PTPRM: variants seen among roughly 807,000 people sequenced by gnomAD.
The protein encoded by PTPRM is protein tyrosine phosphatase receptor type M, also known as receptor-type tyrosine-protein phosphatase mu.
Under a neutral mutation model 186.7 loss-of-function variants are expected in PTPRM, and 47 were observed. The ratio of observed to expected loss-of-function variants is 0.25; its 90% CI spans 0.20 to 0.32. The LOEUF (loss-of-function observed/expected upper bound fraction) is 0.32. PTPRM is among the 10% of genes least tolerant of loss of function. PTPRM has a pLI of 1.00. For synonymous variants in PTPRM, 668 were observed against 674.9 expected (o/e 0.99, Z 0.16); for missense variants, 1,494 against 1,865.0 (o/e 0.80, Z 3.66).
At chr18:8,401,690 G>A (rs1368373989) in intron 32 of PTPRM, among the ~76,000 whole-genome samples, 3 of 152,252 alleles carry the variant, frequency 2.0e-5, no homozygotes, top group African/African-American at 7.2e-5. Flanking sequence ...GGCAGCCTGC[G>A]CAGACGACAA....
At position 8,376,137 on chromosome 18, in the gene PTPRM, G is replaced by T; in HGVS notation, c.3263G>T (p.Gly1088Val). 6.2e-7 allele frequency: 1 copy of T among 1,613,994 alleles called. No individual in the cohort carries two copies. The highest frequency in any genetic ancestry group is 8.5e-7 in the Non-Finnish European group (1 of 1,180,022). Residue 1088 changes from glycine to valine, a missense_variant, in exon 25 of 33, where the codon GGA (glycine) becomes GTA (valine). Around this residue, in one of 3 missense-constraint regions of PTPRM, gnomAD observed 1,107 missense variants for 1,350.2 expected, o/e 0.82. Coordinates refer to ENST00000580170, the MANE Select transcript of PTPRM (RefSeq NM_001105244.2). ...GVPYHATGLL[G>V]FVRQVKSKSP... is the part of the protein sequence containing the mutation. ...CCCTACCATGCCACCGGCCTGCTGG[G>T]ATTCGTGCGGCAAGTCAAGTCCAAG...
chr18:7,893,727 T>G (rs2146411491), intron 3 of PTPRM, among the ~76,000 whole-genome samples: 1 of 152,272 alleles, frequency 6.6e-6, no homozygotes, highest in South Asian at 2.1e-4. Context: ...TGCTGGGCAG[T>G]AAACAAATTG....
intron 23 of PTPRM, 123 bp from the exon 24 acceptor site, chr18:8,370,767 C>T: frequency 1.8e-6 from 1 of 568,826 alleles, no homozygotes; most frequent in African/African-American, 1.9e-5. Flanking sequence ...AGACCTTCCT[C>T]TTGAGTATAC....
chr18:8,187,734 G>A (rs1025521999), intron 14 of PTPRM, among the ~76,000 whole-genome samples: 1 of 152,172 alleles, frequency 6.6e-6, no homozygotes. Context: ...CAGCTGTACA[G>A]GAGGAATAGC....
chr18:7,584,496 G>C (rs1022472608), intron 1 of PTPRM, among the ~76,000 whole-genome samples: 9 of 152,192 alleles, frequency 5.9e-5, no homozygotes, highest in Non-Finnish European at 1.2e-4. Context: ...AAGTAAAATT[G>C]ATACTCTAAT....
intron 2 of PTPRM, among the ~76,000 whole-genome samples, chr18:7,853,726 A>C (rs1381751155): frequency 6.6e-6 from 1 of 151,880 alleles, no homozygotes; most frequent in Non-Finnish European, 1.5e-5. Context: ...AACACAACCT[A>C]TTCTTGAAAG....
chr18:7,990,402 A>G (rs2083202781), intron 7 of PTPRM, among the ~76,000 whole-genome samples: 1 of 152,212 alleles, frequency 6.6e-6, no homozygotes, highest in Admixed American at 6.5e-5. Flanking sequence ...TCTCTTAATA[A>G]GAAGAGACTA....
At position 8,253,382 on chromosome 18, in the gene PTPRM, G is replaced by T; in HGVS notation, c.2722G>T (p.Ala908Ser). ...LLQHITQMKC[A>S]EGYGFKEEYE... ...TCAGCACATCACACAGATGAAGTGTGCGGAGGGCTACGGCTTCAAGGAGGA... is the reference window on the plus strand; with the variant it reads ...TCAGCACATCACACAGATGAAGTGTTCGGAGGGCTACGGCTTCAAGGAGGA... The change falls in exon 19 of 33, where the codon GCG (alanine) becomes TCG (serine). Residue 908 changes from alanine (A) to serine (S), a missense_variant. Ala to Ser is a moderately conservative substitution (Grantham distance 99). Coordinates refer to ENST00000580170, the MANE Select transcript of PTPRM (RefSeq NM_001105244.2). 6.4e-7 allele frequency: 1 copy of T among 1,562,490 alleles called. No homozygotes were observed. The highest frequency in any genetic ancestry group is 8.7e-7 in the Non-Finnish European group (1 of 1,154,560).
chr18:7,965,416 G>A (rs566560720), intron 7 of PTPRM, among the ~76,000 whole-genome samples: 1 of 152,282 alleles, frequency 6.6e-6, no homozygotes, highest in South Asian at 2.1e-4. Context: ...CTAGAAGGCT[G>A]AGGTGCGCTG....
intron 15 of PTPRM, among the ~76,000 whole-genome samples, chr18:8,244,698 G>A (rs2094461613): frequency 6.6e-6 from 1 of 152,172 alleles, no homozygotes; most frequent in South Asian, 2.1e-4. Context: ...AGCTTCACAA[G>A]TCTTATGCTT....
At position 8,387,808 on chromosome 18, in the gene PTPRM, G is replaced by A. The variant is rs140971377; in HGVS notation, c.4208+573G>A. Among the ~76,000 whole-genome samples the A allele has an allele frequency of 3.2e-3, 482 of 152,220 alleles. 1 individual carries two copies. The highest frequency in any genetic ancestry group is 8.4e-3 in the African/African-American group (349 of 41,526). ...TTTTGGGAGAATGTGTATATTGGGA[G>A]CATTTGGTTACAGCCAGTGTCCCCA... On this transcript the variant is annotated intron_variant, in intron 31 of 32. Coordinates refer to ENST00000580170, the MANE Select transcript of PTPRM (RefSeq NM_001105244.2).
intron 14 of PTPRM, among the ~76,000 whole-genome samples, chr18:8,145,743 T>A (rs1373509097): frequency 6.6e-6 from 1 of 152,250 alleles, no homozygotes; most frequent in East Asian, 1.9e-4. Context: ...TGATGGTCAT[T>A]TAGGTTGGTT....
At chr18:8,013,977 C>T (rs897270259) in intron 7 of PTPRM, among the ~76,000 whole-genome samples, 3 of 151,946 alleles carry the variant, frequency 2.0e-5, no homozygotes, top group Non-Finnish European at 2.9e-5. Context: ...CATATCATCC[C>T]GAAACTCAAG....
chr18:7,646,542 C>T (rs186719578), intron 1 of PTPRM, among the ~76,000 whole-genome samples: 34 of 152,280 alleles, frequency 2.2e-4, no homozygotes, highest in Admixed American at 3.9e-4. Context: ...CTCTCGTATA[C>T]TGGAGGACTC....
At position 8,406,471 on chromosome 18, in the gene PTPRM, T is replaced by A. The variant is rs1024131500; in HGVS notation, c.*309T>A. On this transcript the variant is annotated 3_prime_UTR_variant, in exon 33 of 33. Transcript: ENST00000580170. ...AACTATATTCTTATGAAGGAATTTGTACCTTTGGGGTATTATTTTGTGGCC... is the reference window on the plus strand; with the variant it reads ...AACTATATTCTTATGAAGGAATTTGAACCTTTGGGGTATTATTTTGTGGCC... 35 of 301,498 alleles carry A rather than the reference T, an allele frequency of 1.2e-4. No individual in the cohort carries two copies. Among genetic ancestry groups the A allele is most frequent in the Middle Eastern group, 1.0e-3 (1 of 960 alleles). The allele number at this position is 301,498 out of a possible 1,614,324, so 18.7% of individuals were successfully genotyped here. A position where few individuals can be genotyped will look rare whatever the true frequency, so the allele number is the denominator to read the frequency against.
chr18:8,168,885 A>G (rs895116466), intron 14 of PTPRM, among the ~76,000 whole-genome samples: 1 of 152,186 alleles, frequency 6.6e-6, no homozygotes, highest in Admixed American at 6.5e-5. Context: ...TACTTATAGC[A>G]CAGACTCCAT....
At chr18:8,172,864 C>T (rs111576802) in intron 14 of PTPRM, among the ~76,000 whole-genome samples, 11 of 152,298 alleles carry the variant, frequency 7.2e-5, no homozygotes, top group African/African-American at 2.6e-4. Context: ...GATGAACTAA[C>T]TCACCTGGCA....
At chr18:7,611,119 AAG>A (rs1452259729) in intron 1 of PTPRM, among the ~76,000 whole-genome samples, 1 of 152,218 alleles carries the variant, frequency 6.6e-6, no homozygotes, top group African/African-American at 2.4e-5. Context: ...GATATAAAGA[AAG>A]AAAATATTTT....
chr18:7,822,507 T>C (rs1210288523), intron 2 of PTPRM, among the ~76,000 whole-genome samples: 2 of 152,198 alleles, frequency 1.3e-5, no homozygotes, highest in African/African-American at 4.8e-5. Flanking sequence ...CACCAGAGAA[T>C]CTTGCATATA....
Sources: allele counts gnomAD v4.1 joint callset (sites outside exome capture counted in the v4.1 genomes callset), GRCh38; gene constraint gnomAD v4.1.1; regional missense constraint gnomAD v4.1.1; transcripts MANE v1.5; gene names NCBI Gene and HGNC (gene_info 2026-07-23, HGNC 2026-07-21).